PSPC1: variants seen among roughly 807,000 people sequenced by gnomAD.
PSPC1 encodes paraspeckle component 1.
In PSPC1, 14 loss-of-function variants were observed where a neutral mutation model predicts 51.6. The observed-to-expected ratio is 0.27, with a 90% confidence interval of 0.18 to 0.42. The LOEUF (loss-of-function observed/expected upper bound fraction) is 0.42, where lower values mean the gene tolerates loss of function less well. PSPC1 is among the 10% of genes least tolerant of loss of function. The pLI, the probability that PSPC1 is intolerant of heterozygous loss-of-function variation, is 1.00. For missense variants in PSPC1, 406 were observed against 701.1 expected, an observed-to-expected ratio of 0.58 and a Z score of 4.75; for synonymous variants, 193 against 231.9, an observed-to-expected ratio of 0.83 and a Z score of 1.53.
intron 4 of PSPC1, among the ~76,000 whole-genome samples, chr13:19,749,800 G>A (rs560263044): frequency 6.1e-4 from 93 of 151,962 alleles, no homozygotes; most frequent in African/African-American, 2.1e-3. Flanking sequence ...TCTGGCTAAT[G>A]ACAGTTTACC....
intron 2 of PSPC1, among the ~76,000 whole-genome samples, chr13:19,764,529 G>A (rs1011174721): frequency 1.3e-5 from 2 of 151,808 alleles, no homozygotes; most frequent in Non-Finnish European, 2.9e-5. Context: ...AAAAAACATG[G>A]TGACTTAAGG....
At chr13:19,712,770 T>G (rs545718385) in intron 6 of PSPC1, among the ~76,000 whole-genome samples, 5 of 152,230 alleles carry the variant, frequency 3.3e-5, no homozygotes, top group African/African-American at 1.2e-4. Context: ...TACTTGTACT[T>G]AGTAATGTTG....
chr13:19,679,844 A>T (rs1877076482), intron 6 of PSPC1, among the ~76,000 whole-genome samples: 1 of 152,230 alleles, frequency 6.6e-6, no homozygotes. Flanking sequence ...ACTGGACAAC[A>T]GTGTCACTTA....
At chr13:19,740,953 C>CACA (rs1222507870) in intron 5 of PSPC1, among the ~76,000 whole-genome samples, 4 of 151,872 alleles carry the variant, frequency 2.6e-5, no homozygotes, top group Non-Finnish European at 5.9e-5. Flanking sequence ...CAGATCACTG[C>CACA]AACCTCCGCC....
downstream of PSPC1, among the ~76,000 whole-genome samples, chr13:19,673,862 T>C (rs534507190): frequency 3.9e-5 from 6 of 152,174 alleles, no homozygotes; most frequent in Non-Finnish European, 7.4e-5. Context: ...TATTATAACA[T>C]TTAGAAGTAC....
At position 19,782,332 on chromosome 13, in the gene PSPC1, C is replaced by T; in HGVS notation, c.372+54G>A. ...CGAGGCTGGCCTCAGCCCCACGACC[C>T]CGCGGCCACCCCGACAGTCCTTTTG... On this transcript the variant is annotated intron_variant, in intron 1 of 8. Coordinates refer to ENST00000338910, the MANE Select transcript of PSPC1 (RefSeq NM_001354909.2). The surrounding 1 kb of genome is among the most constrained non-coding windows in gnomAD (Gnocchi z 4.5). 6.6e-7 allele frequency: 1 copy of T among 1,520,450 alleles called. No individual in the cohort carries two copies. Among genetic ancestry groups the T allele is most frequent in the Non-Finnish European group, 8.8e-7 (1 of 1,136,400 alleles). 94.2% of individuals were successfully genotyped at this position (1,520,450 alleles called of 1,614,324 possible).
chr13:19,749,739 A>G (rs896117316), intron 4 of PSPC1, among the ~76,000 whole-genome samples: 1 of 151,628 alleles, frequency 6.6e-6, no homozygotes, highest in African/African-American at 2.4e-5. Context: ...CCTGGGTTCA[A>G]GTAATTCCCT....
At chr13:19,740,101 T>C (rs938065890) in intron 5 of PSPC1, among the ~76,000 whole-genome samples, 3 of 152,112 alleles carry the variant, frequency 2.0e-5, no homozygotes, top group Non-Finnish European at 4.4e-5. Flanking sequence ...CCCAGCACTT[T>C]GGGAGGCCGA....
intron 5 of PSPC1, among the ~76,000 whole-genome samples, chr13:19,737,844 G>A (rs982065626): frequency 2.0e-5 from 3 of 152,078 alleles, no homozygotes; most frequent in Admixed American, 6.6e-5. Flanking sequence ...CAGCGCTTTC[G>A]GAGGCTGAGG....
chr13:19,690,827 A>G (rs909678194), intron 6 of PSPC1, among the ~76,000 whole-genome samples: 3 of 152,144 alleles, frequency 2.0e-5, no homozygotes, highest in South Asian at 4.1e-4. Context: ...GACAGGGTAC[A>G]TATTCTACCA....
intron 6 of PSPC1, 71 bp downstream of exon 6, chr13:19,730,142 AAAAGACTACTGTATAAACCAAAATCT>A (rs1197629450): frequency 7.7e-6 from 7 of 905,628 alleles, no homozygotes; most frequent in Non-Finnish European, 1.0e-5. Flanking sequence ...GAAAGATTAG[AAAAGACTACTGTATAAACCAAAATCT>A]AAAGCATTCT....
chr13:19,742,260 C>CAAAAAAAAAAAAAAAAAACAAAA (rs36104148), intron 4 of PSPC1, among the ~76,000 whole-genome samples: 1 of 119,170 alleles, frequency 8.4e-6, no homozygotes, highest in Non-Finnish European at 1.6e-5. Flanking sequence ...GACTCAATCT[C>CAAAAAAAAAAAAAAAAAACAAAA]AAAAAAAAAA....
chr13:19,735,289 C>T (rs771246227), intron 5 of PSPC1, among the ~76,000 whole-genome samples: 3 of 151,950 alleles, frequency 2.0e-5, no homozygotes, highest in Non-Finnish European at 4.4e-5. Context: ...CCAGCCTGGG[C>T]GACAAGAACG....
At chr13:19,693,928 G>C (rs962559398) in intron 6 of PSPC1, among the ~76,000 whole-genome samples, 10 of 151,824 alleles carry the variant, frequency 6.6e-5, no homozygotes, top group African/African-American at 2.4e-4. Flanking sequence ...TCGAGACCAT[G>C]CTGGCTAACA....
intron 6 of PSPC1, among the ~76,000 whole-genome samples, chr13:19,686,923 G>A (rs562357244): frequency 2.3e-3 from 344 of 152,274 alleles, no homozygotes; most frequent in African/African-American, 8.1e-3. Flanking sequence ...AGGGGTGGGC[G>A]CGGTGGCTCA....
intron 2 of PSPC1, among the ~76,000 whole-genome samples, chr13:19,760,506 C>T (rs1185918847): frequency 4.0e-5 from 6 of 149,274 alleles, no homozygotes; most frequent in African/African-American, 7.4e-5. Flanking sequence ...CCAGCCTGGG[C>T]GACAGAGTGA....
intron 5 of PSPC1, among the ~76,000 whole-genome samples, chr13:19,732,918 C>A (rs1884299245): frequency 1.5e-5 from 2 of 131,258 alleles, no homozygotes; most frequent in Admixed American, 1.7e-4. Flanking sequence ...TACAGCGAGA[C>A]TCCATCTCAA....
At position 19,717,472 on chromosome 13, in the gene PSPC1, G is replaced by A. The variant is rs184985064; in HGVS notation, c.1159-7873C>T. 3.0e-3 allele frequency among the ~76,000 whole-genome samples: 460 copies of A among 151,884 alleles called. 4 individuals are homozygous for A. Among genetic ancestry groups the A allele is most frequent in the South Asian group, 0.025 (120 of 4,798 alleles). ...TGTAATCCAAGCAGTTTGGGAGGCC[G>A]AAGCGGGCAGATCACCTGAGGTCAG... On this transcript the variant is annotated intron_variant, in intron 6 of 8. Transcript: ENST00000338910.
downstream of PSPC1, among the ~76,000 whole-genome samples, chr13:19,674,065 A>T (rs1458659692): frequency 6.6e-6 from 1 of 152,216 alleles, no homozygotes; most frequent in Non-Finnish European, 1.5e-5. Flanking sequence ...CAGGACTAAG[A>T]TCACCACAGA....
Sources: allele counts gnomAD v4.1 joint callset (sites outside exome capture counted in the v4.1 genomes callset), GRCh38; gene constraint gnomAD v4.1.1; non-coding constraint Gnocchi (gnomAD v3.1); transcripts MANE v1.5; gene names NCBI Gene and HGNC (gene_info 2026-07-23, HGNC 2026-07-21).